Variants in GLB1 observed in about 807,000 individuals in gnomAD.
GLB1 encodes the protein beta-galactosidase.
A neutral mutation model predicts 74.0 loss-of-function variants in GLB1; 56 were observed. That is an observed-to-expected ratio of 0.76 (90% CI 0.61 to 0.94). The LOEUF (loss-of-function observed/expected upper bound fraction) is 0.94. Ranked by LOEUF, GLB1 falls within the 40% of genes least tolerant of loss-of-function variation. The probability of loss-of-function intolerance (pLI) is 0.00; values close to 1 mark genes in which losing one functional copy is unlikely to be tolerated. For synonymous variants in GLB1, 323 were observed against 323.6 expected (o/e 1.00, Z 0.02); for missense variants, 787 against 845.5 (o/e 0.93, Z 0.86).
intron 10 of GLB1, among the ~76,000 whole-genome samples, chr3:33,038,616 G>T (rs1161741323): frequency 6.6e-6 from 1 of 152,166 alleles, no homozygotes; most frequent in Non-Finnish European, 1.5e-5. Context: ...ATTCACAAGG[G>T]CCAACTGAGA....
intron 10 of GLB1, among the ~76,000 whole-genome samples, chr3:33,044,635 T>C (rs1356218125): frequency 6.6e-6 from 1 of 152,098 alleles, no homozygotes; most frequent in East Asian, 1.9e-4. Flanking sequence ...ATTTGAAAAT[T>C]TAGATGAAAT....
chr3:33,016,842 T>C lies in GLB1; in HGVS notation c.1348-2A>G. 2 of 1,613,904 alleles carry C rather than the reference T, an allele frequency of 1.2e-6. No homozygotes were observed. The highest frequency in any genetic ancestry group is 4.5e-5 in the East Asian group (2 of 44,870). On this transcript the variant is annotated splice_acceptor_variant, in intron 13 of 15. Transcript: ENST00000307363. LOFTEE classifies it high-confidence loss of function. The stretch of plus-strand genomic sequence containing the variant: ...TCGCTCAAGGACTCCCTGGGGGATC[T>C]GTGGGGTTCAAGACCAAATGACAAT...
At chr3:32,987,120 TACA>T in the GLB1 span, among the ~76,000 whole-genome samples, 9 of 152,250 alleles carry the variant, frequency 5.9e-5, no homozygotes, top group South Asian at 1.9e-3. Flanking sequence ...CTCCCCACAG[TACA>T]ACTAGTCCTC....
chr3:33,006,593 G>A (rs1366350875), intron 15 of GLB1, among the ~76,000 whole-genome samples: 2 of 152,182 alleles, frequency 1.3e-5, no homozygotes, highest in African/African-American at 4.8e-5. Context: ...TGAGGTCAAA[G>A]CATTGCCCTG....
At chr3:33,021,188 G>A (rs548588825) in intron 12 of GLB1, 2 of 283,682 alleles carry the variant, frequency 7.1e-6, no homozygotes, top group Non-Finnish European at 1.4e-5. Context: ...CAGTCCTTAT[G>A]CCATTGAACT....
the GLB1 span, among the ~76,000 whole-genome samples, chr3:32,965,577 GA>G: frequency 1.8e-4 from 27 of 146,256 alleles, no homozygotes; most frequent in Admixed American, 4.1e-4. Context: ...TAATAGAAAA[GA>G]AAAAAAAAAC....
the GLB1 span, among the ~76,000 whole-genome samples, chr3:32,970,940 G>T: frequency 6.6e-6 from 1 of 152,002 alleles, no homozygotes; most frequent in East Asian, 1.9e-4. Flanking sequence ...TCCTATAAAG[G>T]GCCTATTTCC....
rs1049639204 is a variant in GLB1, at chr3:33,016,569, C to T, written c.1479+140G>A. On this transcript the variant is annotated intron_variant, in intron 14 of 15. Transcript: ENST00000307363. The stretch of plus-strand genomic sequence containing the variant: ...GTCTCACTATTTTACCCAGGCTGGT[C>T]TTGAACTCCTGGCCTCAAGTGATCC... 2.7e-6 allele frequency: 4 copies of T among 1,466,830 alleles called. No homozygotes were observed. In the African/African-American group the frequency reaches 5.6e-5, roughly 20 times the overall value. The allele number at this position is 1,466,830 out of a possible 1,614,324, so 90.9% of individuals were successfully genotyped here.
intron 14 of GLB1, 46 bp downstream of exon 14, chr3:33,016,663 G>A: frequency 6.2e-7 from 1 of 1,610,668 alleles, no homozygotes. Context: ...CAACTTCTAA[G>A]TTGTCACCCC....
chr3:33,032,451 C>G (rs1455554193), intron 10 of GLB1, among the ~76,000 whole-genome samples: 1 of 152,150 alleles, frequency 6.6e-6, no homozygotes, highest in Non-Finnish European at 1.5e-5. Context: ...AGGTGCCGAT[C>G]CCAGTACCCA....
intron 4 of GLB1, among the ~76,000 whole-genome samples, chr3:33,066,828 G>C (rs1421390460): frequency 1.3e-5 from 2 of 152,086 alleles, no homozygotes; most frequent in African/African-American, 4.8e-5. Context: ...AGTTACCACA[G>C]TGAAAACACC....
intron 5 of GLB1, among the ~76,000 whole-genome samples, chr3:33,064,994 A>C (rs1190589485): frequency 6.6e-6 from 1 of 152,144 alleles, no homozygotes; most frequent in Non-Finnish European, 1.5e-5. Context: ...GCCCCAATTG[A>C]CCATATCCTT....
At chr3:33,068,179 A>C in intron 4 of GLB1, 51 bp downstream of exon 4, 2 of 1,612,874 alleles carry the variant, frequency 1.2e-6, no homozygotes, top group Non-Finnish European at 1.7e-6. Context: ...GAGCCACCGC[A>C]CCTAGGCTGA....
intron 5 of GLB1, among the ~76,000 whole-genome samples, chr3:33,062,662 C>T (rs1285380597): frequency 1.3e-5 from 2 of 152,156 alleles, no homozygotes; most frequent in Non-Finnish European, 2.9e-5. Flanking sequence ...GTTGCCCGCA[C>T]CTGTAGTCCC....
the GLB1 span, among the ~76,000 whole-genome samples, chr3:32,982,761 T>G: frequency 1.1e-4 from 16 of 152,208 alleles, 1 homozygote; most frequent in Admixed American, 1.0e-3. Flanking sequence ...TAGAATCATC[T>G]TCTTTCTGAC....
the GLB1 span, among the ~76,000 whole-genome samples, chr3:32,975,728 G>T: frequency 6.6e-6 from 1 of 152,110 alleles, no homozygotes; most frequent in Non-Finnish European, 1.5e-5. Context: ...CTAAAACAGT[G>T]AACAAGATCA....
At chr3:33,081,437 C>T (rs1191051937) in intron 1 of GLB1, among the ~76,000 whole-genome samples, 4 of 152,200 alleles carry the variant, frequency 2.6e-5, no homozygotes, top group Admixed American at 6.5e-5. Context: ...GATGCCAGGA[C>T]TGCCTTGGCA....
chr3:33,049,655 A>C (rs1698895565), intron 9 of GLB1, among the ~76,000 whole-genome samples: 1 of 152,070 alleles, frequency 6.6e-6, no homozygotes. Flanking sequence ...TGACCTCGTG[A>C]TCCACGCACC....
downstream of GLB1, among the ~76,000 whole-genome samples, chr3:32,995,130 C>T (rs1696286441): frequency 6.6e-6 from 1 of 152,048 alleles, no homozygotes; most frequent in Non-Finnish European, 1.5e-5. Context: ...GGACTTATTG[C>T]TATTTGACCT....
Sources: gnomAD v4.1 joint callset for allele counts (sites outside exome capture counted in the v4.1 genomes callset) on GRCh38, gnomAD v4.1.1 for gene constraint, MANE v1.5 for transcripts, NCBI Gene and HGNC (gene_info 2026-07-23, HGNC 2026-07-21) for gene names.